The following ABCB1 variants were observed in gnomAD, a reference collection of about 807,000 sequenced individuals.
ABCB1 encodes the protein ATP binding cassette subfamily B member 1.
ABCB1 carries 69 observed loss-of-function variants against 142.0 expected under a neutral mutation model. The ratio of observed to expected loss-of-function variants is 0.49; its 90% CI spans 0.40 to 0.59. The LOEUF (loss-of-function observed/expected upper bound fraction) is 0.59, where lower values mean the gene tolerates loss of function less well. Ranked by LOEUF, ABCB1 falls within the 20% of genes least tolerant of loss-of-function variation. The pLI, the probability that ABCB1 is intolerant of heterozygous loss-of-function variation, is 0.00. For synonymous variants in ABCB1, 532 were observed against 539.2 expected (o/e 0.99, Z 0.18); for missense variants, 1,326 against 1,554.7 (o/e 0.85, Z 2.47).
chr7:87,533,374 GGC>G (rs1173932218), intron 20 of ABCB1, among the ~76,000 whole-genome samples: 1 of 152,046 alleles, frequency 6.6e-6, no homozygotes, highest in African/African-American at 2.4e-5. Context: ...GGAATTACCT[GGC>G]TATTTAACTT....
At chr7:87,594,570 A>G (rs976431185) in intron 3 of ABCB1, among the ~76,000 whole-genome samples, 6 of 152,344 alleles carry the variant, frequency 3.9e-5, no homozygotes, top group African/African-American at 9.6e-5. Context: ...TCCTGGGGAT[A>G]AATACAACTT....
intron 1 of ABCB1, among the ~76,000 whole-genome samples, chr7:87,651,223 G>A (rs1823537326): frequency 1.3e-5 from 2 of 152,196 alleles, no homozygotes; most frequent in Middle Eastern, 3.4e-3. Context: ...CATCCCAAAG[G>A]TTACTAGATG....
intron 1 of ABCB1, among the ~76,000 whole-genome samples, chr7:87,614,056 AT>A (rs11294617): frequency 0.026 from 3,891 of 147,822 alleles, 147 homozygotes; most frequent in African/African-American, 0.087. Context: ...TAAATATTGT[AT>A]TTTTTTTTTT....
At chr7:87,504,615 C>A (rs541406960) in intron 27 of ABCB1, among the ~76,000 whole-genome samples, 166 bp from the exon 28 acceptor site, 1 of 152,126 alleles carries the variant, frequency 6.6e-6, no homozygotes, top group African/African-American at 2.4e-5. Context: ...ACCATCCTGG[C>A]TAACACGGTG....
upstream of ABCB1, among the ~76,000 whole-genome samples, chr7:87,604,591 AT>A (rs1280285328): frequency 1.3e-5 from 2 of 152,022 alleles, no homozygotes; most frequent in East Asian, 3.9e-4. Context: ...CTCATGTTGG[AT>A]TACATCAGAT....
chr7:87,600,022 C>A, intron 2 of ABCB1, 95 bp downstream of exon 2: 1 of 1,228,830 alleles, frequency 8.1e-7, no homozygotes, highest in Non-Finnish European at 1.2e-6. Context: ...TAATTAAAAA[C>A]AACAACATGT....
intron 4 of ABCB1, among the ~76,000 whole-genome samples, chr7:87,580,073 T>C (rs981280753): frequency 6.6e-6 from 1 of 152,212 alleles, no homozygotes; most frequent in African/African-American, 2.4e-5. Context: ...AAGATATGAG[T>C]AAGTTATACA....
At position 87,520,843 on chromosome 7, in the gene ABCB1, C is replaced by A. The variant is rs573245329; in HGVS notation, c.2719G>T (p.Val907Phe). Reference protein sequence around the residue: ...ATEAIENFRTVVSLTQEQKFE... With the variant: ...ATEAIENFRTFVSLTQEQKFE... ...TTCTGCTCCTGAGTCAAAGAAACAACGGTTCGGAAGTTTTCTATTGCTTCA... is the reference window on the plus strand; with the variant it reads ...TTCTGCTCCTGAGTCAAAGAAACAAAGGTTCGGAAGTTTTCTATTGCTTCA... The change falls in exon 22 of 28, where the codon GTT (valine) becomes TTT (phenylalanine). Residue 907 changes from valine to phenylalanine, a missense_variant. By Grantham distance (50) the Val-to-Phe change is conservative (BLOSUM62 -1). Coordinates refer to ENST00000622132, the MANE Select transcript of ABCB1 (RefSeq NM_001348946.2). 6.2e-7 allele frequency: 1 copy of A among 1,613,812 alleles called. No homozygotes were observed. The highest frequency in any genetic ancestry group is 8.5e-7 in the Non-Finnish European group (1 of 1,179,850).
intron 23 of ABCB1, chr7:87,518,930 C>A: frequency 5.5e-6 from 1 of 180,338 alleles, no homozygotes; most frequent in Non-Finnish European, 1.2e-5. Flanking sequence ...CTGGAATTGC[C>A]AAAGGCTTGC....
At chr7:87,579,060 G>T (rs1818395185) in intron 4 of ABCB1, among the ~76,000 whole-genome samples, 1 of 151,912 alleles carries the variant, frequency 6.6e-6, no homozygotes, top group Non-Finnish European at 1.5e-5. Flanking sequence ...ACTGATTGTT[G>T]TATGTTGATT....
At chr7:87,521,405 C>T in intron 21 of ABCB1, 1 of 642,158 alleles carries the variant, frequency 1.6e-6, no homozygotes, top group East Asian at 2.7e-5. Context: ...TTACCCCTTT[C>T]TGCCCGTGGA....
In ABCB1 at chr7:87,515,306, C is replaced by T. The variant is rs373789868; in HGVS notation, c.3207G>A (p.Val1069=). The change falls in exon 25 of 28, where the codon GTG becomes GTA. Residue 1069 remains valine (V), a synonymous_variant. Transcript: ENST00000622132. The part of the protein sequence containing the change: ...EVKKGQTLAL[V]GSSGCGKSTV... ...TGCTCTTCCCACAGCCACTGCTGCC[C>T]ACCAGAGCCAGCGTCTGGCCCTTCT... The T allele has an allele frequency of 4.6e-5, 74 of 1,614,210 alleles. No homozygotes were observed. The highest frequency in any genetic ancestry group is 6.3e-5 in the Non-Finnish European group (74 of 1,180,024).
At chr7:87,637,946 G>A (rs902625012) in intron 1 of ABCB1, among the ~76,000 whole-genome samples, 2 of 151,746 alleles carry the variant, frequency 1.3e-5, no homozygotes, top group Non-Finnish European at 2.9e-5. Flanking sequence ...TGCAGAAAAC[G>A]TTCAAAATTT....
At chr7:87,703,484 A>G (rs2130708317) in intron 1 of ABCB1, among the ~76,000 whole-genome samples, 1 of 152,260 alleles carries the variant, frequency 6.6e-6, no homozygotes, top group East Asian at 1.9e-4. Flanking sequence ...TGAGACTATA[A>G]CTATAAAGTT....
intron 21 of ABCB1, among the ~76,000 whole-genome samples, chr7:87,528,612 G>A (rs986077756): frequency 2.0e-5 from 3 of 152,158 alleles, no homozygotes; most frequent in African/African-American, 7.2e-5. Flanking sequence ...CTGAAAAACT[G>A]CAGAGCACAG....
Position 87,536,491 on chromosome 7 carries a change from G to A in ABCB1, c.2448C>T (p.Thr816=), listed in dbSNP as rs767286079. Residue 816 remains threonine, a synonymous_variant, in exon 20 of 28, where the codon ACC becomes ACT. Coordinates refer to ENST00000622132, the MANE Select transcript of ABCB1 (RefSeq NM_001348946.2). The stretch of plus-strand genomic sequence containing the variant: ...CTTGAGCAGCATCATTGGCGAGCCT[G>A]GTAGTCAATGCTCCAGTGGTGTTTT... The part of the protein sequence containing the change: ...DPKNTTGALT[T]RLANDAAQVK... 3.1e-6 allele frequency: 5 copies of A among 1,613,928 alleles called. No individual in the cohort carries two copies. Among genetic ancestry groups the A allele is most frequent in the Non-Finnish European group, 4.2e-6 (5 of 1,179,880 alleles).
At chr7:87,689,164 A>G (rs1352088805) in intron 1 of ABCB1, among the ~76,000 whole-genome samples, 1 of 152,090 alleles carries the variant, frequency 6.6e-6, no homozygotes, top group Non-Finnish European at 1.5e-5. Context: ...TATTATTGAT[A>G]AAATTATCTG....
At chr7:87,639,969 A>G (rs1405482736) in intron 1 of ABCB1, among the ~76,000 whole-genome samples, 1 of 151,180 alleles carries the variant, frequency 6.6e-6, no homozygotes, top group Non-Finnish European at 1.5e-5. Flanking sequence ...TTAAATATTA[A>G]TATTTTTATA....
chr7:87,571,698 G>A (rs150863202), intron 4 of ABCB1, among the ~76,000 whole-genome samples: 1 of 152,332 alleles, frequency 6.6e-6, no homozygotes, highest in African/African-American at 2.4e-5. Context: ...GAGATTATTA[G>A]TTTGGTCTTG....
Sources: allele counts gnomAD v4.1 joint callset (sites outside exome capture counted in the v4.1 genomes callset), GRCh38; gene constraint gnomAD v4.1.1; transcripts MANE v1.5; gene names NCBI Gene and HGNC (gene_info 2026-07-23, HGNC 2026-07-21).